Variants in MACROD2 observed in about 807,000 individuals in gnomAD.
MACROD2 encodes mono-ADP ribosylhydrolase 2.
Under a neutral mutation model 70.4 loss-of-function variants are expected in MACROD2, and 36 were observed. That is an observed-to-expected ratio of 0.51 (90% confidence interval 0.39 to 0.68). The LOEUF (loss-of-function observed/expected upper bound fraction) is 0.68. MACROD2 is among the 30% of genes least tolerant of loss of function. The pLI is 0.00. For synonymous variants in MACROD2, 172 were observed against 178.8 expected, an observed-to-expected ratio of 0.96 and a Z score of 0.30; for missense variants, 496 against 538.4, an observed-to-expected ratio of 0.92 and a Z score of 0.78.
At chr20:14,033,607 G>A (rs144797707) in intron 2 of MACROD2, among the ~76,000 whole-genome samples, 4 of 152,128 alleles carry the variant, frequency 2.6e-5, no homozygotes, top group Non-Finnish European at 4.4e-5. Context: ...ATTAATGAAC[G>A]TGATACATGC....
chr20:15,342,358 G>A (rs1286240047), intron 6 of MACROD2, among the ~76,000 whole-genome samples: 1 of 152,106 alleles, frequency 6.6e-6, no homozygotes, highest in Non-Finnish European at 1.5e-5. Context: ...ACTAGGATCG[G>A]TCAACTCCTG....
chr20:14,433,512 A>C (rs750922994), intron 3 of MACROD2, among the ~76,000 whole-genome samples: 29 of 152,184 alleles, frequency 1.9e-4, no homozygotes, highest in Non-Finnish European at 3.5e-4. Flanking sequence ...GTACTTCAAG[A>C]TAGAGAGAAC....
chr20:15,481,695 A>C (rs368733183), intron 7 of MACROD2, among the ~76,000 whole-genome samples: 16 of 152,294 alleles, frequency 1.1e-4, no homozygotes, highest in Admixed American at 2.6e-4. Flanking sequence ...TAAAAAAAAA[A>C]AACTAATATT....
At chr20:15,076,772 G>T (rs2075661228) in intron 5 of MACROD2, among the ~76,000 whole-genome samples, 1 of 151,852 alleles carries the variant, frequency 6.6e-6, no homozygotes, top group Non-Finnish European at 1.5e-5. Context: ...GTTATTTCTT[G>T]ATCTAATATC....
At chr20:15,896,260 C>T (rs6034320) in intron 10 of MACROD2, among the ~76,000 whole-genome samples, 9,680 of 152,190 alleles carry the variant, frequency 0.064, 778 homozygotes, top group African/African-American at 0.19. Flanking sequence ...TCTCTCTTTT[C>T]TCCTTCTTTA....
At position 16,041,285 on chromosome 20, in the gene MACROD2, T is replaced by G; in HGVS notation, c.1231+7T>G. ...AATACTCCAGGTCCTGATGGTAAGG[T>G]TCTGAGCTATTGGAGCCCATGGAAA... On this transcript the variant is annotated splice_region_variant and intron_variant, in intron 16 of 17. Coordinates refer to ENST00000684519, the MANE Select transcript of MACROD2 (RefSeq NM_001351661.2). The G allele has an allele frequency of 6.2e-7, 1 of 1,608,518 alleles. No homozygotes were observed. Among genetic ancestry groups the G allele is most frequent in the Non-Finnish European group, 8.5e-7 (1 of 1,176,796 alleles).
At chr20:15,630,163 G>C (rs2049267569) in intron 8 of MACROD2, among the ~76,000 whole-genome samples, 1 of 152,196 alleles carries the variant, frequency 6.6e-6, no homozygotes, top group African/African-American at 2.4e-5. Flanking sequence ...AACTGAGTTA[G>C]TGTATATGAA....
In MACROD2 at chr20:15,613,972, G is replaced by A. The variant is rs1027657463; in HGVS notation, c.645+114125G>A. Among the ~76,000 whole-genome samples, 5 of 152,184 alleles carry A rather than the reference G, an allele frequency of 3.3e-5. No homozygotes were observed. The East Asian group carries it at 9.6e-4, about 29-fold the overall frequency. The stretch of plus-strand genomic sequence containing the variant: ...GCACCTTACACCTATGGGAGCAGGT[G>A]GTGTGAATGAGAGATGGGAAGAAGG... On this transcript the variant is annotated intron_variant, in intron 8 of 17. Transcript: ENST00000684519.
At chr20:14,899,186 G>A (rs2073866489) in intron 5 of MACROD2, among the ~76,000 whole-genome samples, 1 of 152,136 alleles carries the variant, frequency 6.6e-6, no homozygotes, top group Non-Finnish European at 1.5e-5. Flanking sequence ...GCAGGCATTT[G>A]CCTTACGTCT....
chr20:14,865,800 A>ATT (rs1369278187), intron 5 of MACROD2, among the ~76,000 whole-genome samples: 2 of 152,140 alleles, frequency 1.3e-5, no homozygotes, highest in Non-Finnish European at 2.9e-5. Context: ...TTAATTAAAG[A>ATT]TTATCCTGTG....
intron 3 of MACROD2, among the ~76,000 whole-genome samples, chr20:14,264,117 A>G (rs1316526539): frequency 6.6e-6 from 1 of 152,130 alleles, no homozygotes; most frequent in Non-Finnish European, 1.5e-5. Flanking sequence ...GAGCAGGCAT[A>G]TATAATACAC....
chr20:15,818,380 C>A (rs186877766), intron 8 of MACROD2, among the ~76,000 whole-genome samples: 1 of 152,128 alleles, frequency 6.6e-6, no homozygotes, highest in African/African-American at 2.4e-5. Context: ...GGTTCCTCCC[C>A]CTTTTAGACC....
At chr20:15,248,115 T>C (rs1404634275) in intron 6 of MACROD2, among the ~76,000 whole-genome samples, 4 of 152,172 alleles carry the variant, frequency 2.6e-5, no homozygotes, top group African/African-American at 7.2e-5. Context: ...CTTGTTTAAA[T>C]GTGGAAGGAT....
chr20:14,773,815 A>G (rs1218760852), intron 5 of MACROD2, among the ~76,000 whole-genome samples: 1 of 152,096 alleles, frequency 6.6e-6, no homozygotes, highest in African/African-American at 2.4e-5. Context: ...CTTAAAGAAC[A>G]GAAAATCATT....
intron 2 of MACROD2, among the ~76,000 whole-genome samples, chr20:14,043,639 C>T (rs139276729): frequency 0.013 from 2,003 of 152,316 alleles, 22 homozygotes; most frequent in Non-Finnish European, 0.019. Context: ...CTTAGCCTCT[C>T]TGTGCACTGT....
At chr20:14,203,960 C>A (rs2081501615) in intron 3 of MACROD2, among the ~76,000 whole-genome samples, 1 of 152,134 alleles carries the variant, frequency 6.6e-6, no homozygotes, top group Admixed American at 6.5e-5. Flanking sequence ...GGTCCTTTTG[C>A]CCCTGGGCAG....
At chr20:14,738,556 G>A (rs1228140066) in intron 5 of MACROD2, among the ~76,000 whole-genome samples, 1 of 152,094 alleles carries the variant, frequency 6.6e-6, no homozygotes, top group Non-Finnish European at 1.5e-5. Flanking sequence ...CTCTGTCAGT[G>A]CTTAGAACAG....
At chr20:15,537,739 G>T (rs1238848262) in intron 8 of MACROD2, among the ~76,000 whole-genome samples, 1 of 152,084 alleles carries the variant, frequency 6.6e-6, no homozygotes, top group Non-Finnish European at 1.5e-5. Context: ...CTCCCAAAGT[G>T]CTGGGATTAC....
chr20:15,712,827 T>C (rs2050648254), intron 8 of MACROD2, among the ~76,000 whole-genome samples: 1 of 152,236 alleles, frequency 6.6e-6, no homozygotes, highest in South Asian at 2.1e-4. Context: ...GTGGTCCTGG[T>C]CCAATCATTT....
Sources: gnomAD v4.1 joint callset for allele counts (sites outside exome capture counted in the v4.1 genomes callset) on GRCh38, gnomAD v4.1.1 for gene constraint, MANE v1.5 for transcripts, NCBI Gene and HGNC (gene_info 2026-07-23, HGNC 2026-07-21) for gene names.